Variants in RNF123 observed in about 807,000 individuals in gnomAD.
RNF123 encodes ring finger protein 123.
In RNF123, 86 loss-of-function variants were observed where a neutral mutation model predicts 168.5. The observed-to-expected ratio is 0.51, with a 90% CI of 0.43 to 0.61. The LOEUF (loss-of-function observed/expected upper bound fraction) is 0.61. RNF123 is among the 20% of genes least tolerant of loss of function. RNF123 has a pLI of 0.00. For synonymous variants in RNF123, 666 were observed against 689.1 expected (o/e 0.97, Z 0.52); for missense variants, 1,419 against 1,729.7 (o/e 0.82, Z 3.19).
chr3:49,711,191 C>G (rs1038302054), intron 26 of RNF123, among the ~76,000 whole-genome samples: 4 of 152,208 alleles, frequency 2.6e-5, no homozygotes, highest in Non-Finnish European at 4.4e-5. Flanking sequence ...CAAAAATTAG[C>G]AGGGCGTGGT....
In RNF123 at chr3:49,702,329, C is replaced by T; in HGVS notation, c.1558-5C>T. 6.2e-7 allele frequency: 1 copy of T among 1,614,124 alleles called. No individual in the cohort carries two copies. The highest frequency in any genetic ancestry group is 1.3e-5 in the African/African-American group (1 of 75,044). ...AGCACAGCCTCACTTTTCCCTCTCT[C>T]AAAGGGTGAAGCTTCTAGGTATATC... On this transcript the variant is annotated splice_region_variant and splice_polypyrimidine_tract_variant and intron_variant, in intron 18 of 38. Coordinates refer to ENST00000327697, the MANE Select transcript of RNF123 (RefSeq NM_022064.5).
intron 35 of RNF123, chr3:49,719,815 G>C: frequency 3.9e-6 from 1 of 253,772 alleles, no homozygotes; most frequent in East Asian, 9.0e-5. Context: ...CCGCCAGATG[G>C]GGAGCAAGGC....
chr3:49,699,517 C>G lies in RNF123; in HGVS notation c.814C>G (p.Leu272Val). ...RPLQDPPSAD[L>V]VRAQRLLGCF... ...CCTGCAGGACCCACCGAGTGCTGACCTGGTGCGGGCACAGAGGTTGCTGGG... is the reference window on the plus strand; with the variant it reads ...CCTGCAGGACCCACCGAGTGCTGACGTGGTGCGGGCACAGAGGTTGCTGGG... The change falls in exon 11 of 39, where the codon CTG becomes GTG. Residue 272 changes from leucine (L) to valine (V), a missense_variant. Physicochemically the swap from Leu to Val is conservative, Grantham distance 32. Around this residue, in one of 5 missense-constraint regions of RNF123, gnomAD observed 318 missense variants for 446.6 expected, o/e 0.71. Coordinates refer to ENST00000327697, the MANE Select transcript of RNF123 (RefSeq NM_022064.5). This position sits in a 1 kb window ranked among gnomAD's most constrained non-coding sequence, Gnocchi z 4.8. 6.2e-7 allele frequency: 1 copy of G among 1,612,442 alleles called. No homozygotes were observed.
At chr3:49,698,327 C>A in intron 7 of RNF123, 113 bp from the exon 8 acceptor site, 3 of 1,009,578 alleles carry the variant, frequency 3.0e-6, no homozygotes, top group Non-Finnish European at 4.6e-6. Flanking sequence ...CTCTTTCCCT[C>A]AGATCATCTG....
At chr3:49,718,290 GGCACA>G (rs756238690) in intron 35 of RNF123, 3 of 1,613,098 alleles carry the variant, frequency 1.9e-6, no homozygotes, top group African/African-American at 2.7e-5. Context: ...CAAGGCCCAC[GGCACA>G]GCCCAGCAGT....
At chr3:49,710,672 T>C (rs1391550669) in intron 26 of RNF123, among the ~76,000 whole-genome samples, 1 of 152,250 alleles carries the variant, frequency 6.6e-6, no homozygotes, top group Admixed American at 6.5e-5. Flanking sequence ...TATAAAATCA[T>C]GTCTGTGAAC....
At position 49,705,150 on chromosome 3, in the gene RNF123, C is replaced by A. The variant is rs151252055; in HGVS notation, c.2126C>A (p.Thr709Lys). 4.4e-6 allele frequency: 7 copies of A among 1,607,332 alleles called. No homozygotes were observed. Among genetic ancestry groups the A allele is most frequent in the Non-Finnish European group, 5.9e-6 (7 of 1,176,832 alleles). ...ACCTCGGAGAAAGTGAAGGTCCGCA[C>A]GCTGAGCGTGGAGCAGAGGACCCGT... The part of the protein sequence containing the change: ...LSTSEKVKVR[T>K]LSVEQRTRED... The change falls in exon 23 of 39, where the codon ACG (threonine) becomes AAG (lysine). Residue 709 changes from threonine to lysine, a missense_variant. By Grantham distance (78) the Thr-to-Lys change is moderately conservative (BLOSUM62 -1). Transcript: ENST00000327697.
At chr3:49,720,718 C>G (rs1397641226) in intron 36 of RNF123, 65 bp downstream of exon 36, 2 of 1,604,420 alleles carry the variant, frequency 1.2e-6, no homozygotes, top group East Asian at 2.2e-5. Context: ...GCCTTAAGAA[C>G]AGCAAAGTCC....
At chr3:49,714,254 C>G (rs887540235) in intron 31 of RNF123, 80 bp downstream of exon 31, 2 of 1,255,088 alleles carry the variant, frequency 1.6e-6, no homozygotes, top group Admixed American at 1.8e-5. Context: ...TTCAGACTCT[C>G]CACTTCTTCC....
chr3:49,690,117 GC>G (rs1263945775), intron 1 of RNF123, among the ~76,000 whole-genome samples: 2 of 152,194 alleles, frequency 1.3e-5, no homozygotes, highest in African/African-American at 2.4e-5. Context: ...AGGGTTTGTG[GC>G]GGGAGTAGAG....
At position 49,715,963 on chromosome 3, in the gene RNF123, G is replaced by T. The variant is rs774973771; in HGVS notation, c.3292G>T (p.Asp1098Tyr). ...TITLVPEIFL[D>Y]WTRPTSEMLL... Reference sequence around the variant, plus strand: ...CACACTGGTGCCTGAGATATTCCTTGACTGGACCCGGCCTACCTCTGAGAT... The same window carrying T: ...CACACTGGTGCCTGAGATATTCCTTTACTGGACCCGGCCTACCTCTGAGAT... Residue 1098 changes from aspartate to tyrosine, a missense_variant, in exon 33 of 39, where the codon GAC (aspartate) becomes TAC (tyrosine). Physicochemically the swap from Asp to Tyr is radical, Grantham distance 160. Transcript: ENST00000327697. The T allele has an allele frequency of 6.2e-7, 1 of 1,613,988 alleles. No individual in the cohort carries two copies. The highest frequency in any genetic ancestry group is 8.5e-7 in the Non-Finnish European group (1 of 1,180,028).
At chr3:49,718,288 A>C (rs764199306) in intron 35 of RNF123, 1 of 1,613,082 alleles carries the variant, frequency 6.2e-7, no homozygotes, top group Non-Finnish European at 8.5e-7. Context: ...CACAAGGCCC[A>C]CGGCACAGCC....
intron 35 of RNF123, chr3:49,718,373 G>C (rs747652352): frequency 6.2e-7 from 1 of 1,613,384 alleles, no homozygotes; most frequent in Non-Finnish European, 8.5e-7. Context: ...TTGTACTCGT[G>C]CGTCTGGTTG....
chr3:49,715,474 T>C (rs922122166), intron 31 of RNF123, 101 bp from the exon 32 acceptor site: 1 of 1,433,506 alleles, frequency 7.0e-7, no homozygotes. Flanking sequence ...GAGCCATCTT[T>C]CTGTCCTTAT....
Position 49,698,143 on chromosome 3 carries a change from C to A in RNF123, c.483+6C>A. ...GCTGCCGCTTCAACCAGGAGGTACA[C>A]GTTGGGGAGGGGACCCCTCCCTGGG... On this transcript the variant is annotated splice_donor_region_variant and intron_variant, in intron 7 of 38. Coordinates refer to ENST00000327697, the MANE Select transcript of RNF123 (RefSeq NM_022064.5). 1 of 1,612,936 alleles carries A rather than the reference C, an allele frequency of 6.2e-7. No individual in the cohort carries two copies. The highest frequency in any genetic ancestry group is 1.1e-5 in the South Asian group (1 of 91,042).
At chr3:49,696,657 T>TC (rs2054274841) in intron 3 of RNF123, among the ~76,000 whole-genome samples, 1 of 144,490 alleles carries the variant, frequency 6.9e-6, no homozygotes, top group Admixed American at 7.0e-5. Flanking sequence ...TTTTTTTTTT[T>TC]TTTTGAGACA....
At chr3:49,717,981 G>T in intron 35 of RNF123, 5 of 1,613,530 alleles carry the variant, frequency 3.1e-6, no homozygotes, top group Non-Finnish European at 4.2e-6. Flanking sequence ...CGGAGCCTAT[G>T]GAGCTGGCGG....
chr3:49,705,264 C>T, intron 23 of RNF123, 82 bp downstream of exon 23: 4 of 1,467,716 alleles, frequency 2.7e-6, no homozygotes, highest in South Asian at 1.3e-5. Flanking sequence ...AGCCAAAATA[C>T]ACCCCATGCC....
intron 17 of RNF123, 35 bp downstream of exon 17, chr3:49,701,945 G>T (rs1449277630): frequency 6.4e-7 from 1 of 1,551,030 alleles, no homozygotes; most frequent in Non-Finnish European, 8.7e-7. Flanking sequence ...AGGGTGGGAG[G>T]TGTGTGTGTG....
Sources: gnomAD v4.1 joint callset for allele counts (sites outside exome capture counted in the v4.1 genomes callset) on GRCh38, gnomAD v4.1.1 for gene constraint, gnomAD v4.1.1 regional missense constraint, Gnocchi (gnomAD v3.1) non-coding constraint, MANE v1.5 for transcripts, NCBI Gene and HGNC (gene_info 2026-07-23, HGNC 2026-07-21) for gene names.